Variants in SCN3A observed in about 807,000 individuals in gnomAD.
SCN3A encodes sodium channel protein type 3 subunit alpha.
Under a neutral mutation model 187.6 loss-of-function variants are expected in SCN3A, and 60 were observed. That is an observed-to-expected ratio of 0.32 (90% CI 0.26 to 0.40). The LOEUF is 0.40. Ranked by LOEUF, SCN3A falls within the 10% of genes least tolerant of loss-of-function variation. The pLI is 1.00. For missense variants in SCN3A, 1,601 were observed against 2,428.2 expected, an observed-to-expected ratio of 0.66 and a Z score of 7.16; for synonymous variants, 788 against 829.2, an observed-to-expected ratio of 0.95 and a Z score of 0.85.
intron 18 of SCN3A, among the ~76,000 whole-genome samples, chr2:165,123,719 G>A (rs1163161578): frequency 4.6e-5 from 7 of 152,250 alleles, no homozygotes; most frequent in African/African-American, 1.4e-4. Context: ...TATTAAAAGG[G>A]AATAACCCAG....
chr2:165,121,803 A>G (rs1286163834), intron 18 of SCN3A, among the ~76,000 whole-genome samples: 3 of 152,216 alleles, frequency 2.0e-5, no homozygotes, highest in African/African-American at 7.2e-5. Flanking sequence ...AGTTGAGTGA[A>G]CAGAATAAAA....
chr2:165,196,566 A>G (rs116150842), intron 1 of SCN3A, among the ~76,000 whole-genome samples: 59 of 152,220 alleles, frequency 3.9e-4, no homozygotes, highest in African/African-American at 1.4e-3. Flanking sequence ...GTGGGAAACC[A>G]ATCCGGAACA....
Position 165,092,690 on chromosome 2 carries a change from GA to G in SCN3A, c.4537-167del, listed in dbSNP as rs1273456432. The G allele has an allele frequency of 2.7e-5, 18 of 667,870 alleles. No individual in the cohort carries two copies. The highest frequency in any genetic ancestry group is 1.2e-4 in the South Asian group (6 of 49,622). The allele number at this position is 667,870 out of a possible 1,614,324, so 41.4% of individuals were successfully genotyped here. On this transcript the variant is annotated intron_variant, in intron 26 of 27. Coordinates refer to ENST00000283254, the MANE Select transcript of SCN3A (RefSeq NM_006922.4). This position sits in a 1 kb window ranked among gnomAD's most constrained non-coding sequence, Gnocchi z 4.2. ...TTTTCTCTTCATGTTAAAAAAAATG[GA>G]AAAAAAATTTATATAGCTAAACAAA...
intron 5 of SCN3A, 69 bp downstream of exon 5, chr2:165,168,667 A>G (rs1386200038): frequency 2.8e-6 from 3 of 1,062,896 alleles, no homozygotes; most frequent in Admixed American, 3.4e-5. Context: ...AAGTCAGGCT[A>G]TACCCACAAG....
intron 18 of SCN3A, among the ~76,000 whole-genome samples, chr2:165,116,542 G>A (rs1317549566): frequency 2.0e-5 from 3 of 152,138 alleles, no homozygotes; most frequent in Admixed American, 6.6e-5. Flanking sequence ...ACATGTTAAT[G>A]ATTTCAAAGC....
intron 1 of SCN3A, among the ~76,000 whole-genome samples, chr2:165,187,481 G>T (rs1691317275): frequency 6.6e-6 from 1 of 152,136 alleles, no homozygotes; most frequent in Admixed American, 6.5e-5. Context: ...TTTATACAAT[G>T]CTCATAAGCC....
chr2:165,170,877 C>A (rs1690061234), intron 3 of SCN3A, among the ~76,000 whole-genome samples: 1 of 151,952 alleles, frequency 6.6e-6, no homozygotes, highest in African/African-American at 2.4e-5. Flanking sequence ...GCTTTGGTAA[C>A]TTTTCAGATT....
intron 5 of SCN3A, among the ~76,000 whole-genome samples, chr2:165,165,571 C>T (rs184984342): frequency 5.9e-5 from 9 of 151,996 alleles, no homozygotes; most frequent in Admixed American, 2.0e-4. Flanking sequence ...TTGCTGTTTT[C>T]GTTTTTTTCC....
intron 1 of SCN3A, among the ~76,000 whole-genome samples, chr2:165,193,785 G>C (rs1339106959): frequency 6.6e-6 from 1 of 152,066 alleles, no homozygotes; most frequent in Non-Finnish European, 1.5e-5. Flanking sequence ...TGTTATCTGC[G>C]CTCCTTTGAG....
chr2:165,129,105 T>G (rs1687162999), intron 17 of SCN3A, among the ~76,000 whole-genome samples: 1 of 152,150 alleles, frequency 6.6e-6, no homozygotes, highest in South Asian at 2.1e-4. Flanking sequence ...GAGAAAAAAA[T>G]TACATGTTCG....
At chr2:165,101,829 C>A (rs1321423362) in intron 21 of SCN3A, among the ~76,000 whole-genome samples, 1 of 152,170 alleles carries the variant, frequency 6.6e-6, no homozygotes, top group Non-Finnish European at 1.5e-5. Context: ...GATACCAAAA[C>A]CAGAACCTAG....
rs111762405 is a variant in SCN3A at position 165,133,270 on chromosome 2, T to A, written c.2392-1853A>T. ...CTAGAAATACCATTTGACCCAGCCA[T>A]CCCATTACTGGGTATATACCCAAAG... is the stretch of plus-strand genomic sequence containing the variant. On this transcript the variant is annotated intron_variant, in intron 15 of 27. Transcript: ENST00000283254. Among the ~76,000 whole-genome samples, 1,459 of 152,286 alleles carry A rather than the reference T, an allele frequency of 9.6e-3. 18 individuals are homozygous for A. The highest frequency in any genetic ancestry group is 0.033 in the African/African-American group (1,379 of 41,550).
At chr2:165,119,542 A>G (rs1686547958) in intron 18 of SCN3A, among the ~76,000 whole-genome samples, 1 of 152,158 alleles carries the variant, frequency 6.6e-6, no homozygotes. Context: ...ATACATATCT[A>G]TACTATATGC....
chr2:165,091,019 C>T lies in SCN3A; in HGVS notation c.5134G>A (p.Asp1712Asn), dbSNP rs1192065935. 2 of 1,614,100 alleles carry T rather than the reference C, an allele frequency of 1.2e-6. No individual in the cohort carries two copies. Among genetic ancestry groups the T allele is most frequent in the Non-Finnish European group, 1.7e-6 (2 of 1,180,020 alleles). Residue 1712 changes from aspartate (D) to asparagine (N), a missense_variant, in exon 28 of 28, where the codon GAT (aspartate) becomes AAT (asparagine). Transcript: ENST00000283254. ...TTAAGAATAGGTGCTAGCAATCCAT[C>T]CCAGCCAGCAGAGGTTGTAATTTGG... ...LFQITTSAGW[D>N]GLLAPILNSA...
At chr2:165,136,161 G>T (rs1687646077) in intron 15 of SCN3A, among the ~76,000 whole-genome samples, 1 of 152,076 alleles carries the variant, frequency 6.6e-6, no homozygotes, top group Non-Finnish European at 1.5e-5. Context: ...TGATGCTTTT[G>T]TCTAGTGCTT....
intron 18 of SCN3A, among the ~76,000 whole-genome samples, chr2:165,125,544 C>G (rs1686940663): frequency 1.3e-5 from 2 of 152,250 alleles, no homozygotes; most frequent in Admixed American, 6.5e-5. Flanking sequence ...GTCTCGATCT[C>G]CTGACCTCGT....
At chr2:165,167,244 G>A (rs943162428) in intron 5 of SCN3A, among the ~76,000 whole-genome samples, 2 of 152,120 alleles carry the variant, frequency 1.3e-5, no homozygotes, top group Middle Eastern at 3.2e-3. Flanking sequence ...TCTTACATAG[G>A]AGTGTCCATT....
Position 165,127,806 on chromosome 2 carries a change from C to G in SCN3A, c.3218G>C (p.Gly1073Ala), listed in dbSNP as rs751031460. The change falls in exon 18 of 28, where the codon GGT (glycine) becomes GCT (alanine). Residue 1073 changes from glycine (G) to alanine (A), a missense_variant. Around this residue, in one of 11 missense-constraint regions of SCN3A, gnomAD observed 267 missense variants for 313.2 expected, o/e 0.85. Coordinates refer to ENST00000283254, the MANE Select transcript of SCN3A (RefSeq NM_006922.4). ...YLRDGNGTTS[G>A]VGTGSSVEKY... ...TTCAACACTGCTTCCAGTACCTACA[C>G]CACTGGTGGTTCCATTCCCATCTCT... 1.5e-5 allele frequency: 24 copies of G among 1,614,058 alleles called. No homozygotes were observed. The highest frequency in any genetic ancestry group is 3.3e-5 in the Admixed American group (2 of 60,002).
chr2:165,094,606 C>A, intron 25 of SCN3A, 128 bp from the exon 26 acceptor site: 1 of 676,710 alleles, frequency 1.5e-6, no homozygotes, highest in Admixed American at 2.6e-5. Context: ...TACATTTATC[C>A]TGCTTTTCCC....
Sources: allele counts gnomAD v4.1 joint callset (sites outside exome capture counted in the v4.1 genomes callset), GRCh38; gene constraint gnomAD v4.1.1; regional missense constraint gnomAD v4.1.1; non-coding constraint Gnocchi (gnomAD v3.1); transcripts MANE v1.5; gene names NCBI Gene and HGNC (gene_info 2026-07-23, HGNC 2026-07-21).